FAT3: variants seen among roughly 807,000 people sequenced by gnomAD.
FAT3 encodes the protein protocadherin Fat 3.
Under a neutral mutation model 310.2 loss-of-function variants are expected in FAT3, and 95 were observed. The ratio of observed to expected loss-of-function variants is 0.31; its 90% CI spans 0.26 to 0.36. FAT3 has a LOEUF of 0.36. Ranked by LOEUF, FAT3 falls within the 10% of genes least tolerant of loss-of-function variation. FAT3 has a pLI of 1.00. For synonymous variants in FAT3, 2,314 were observed against 2,192.9 expected (o/e 1.06, Z -1.54); for missense variants, 5,408 against 5,715.6 (o/e 0.95, Z 1.74).
intron 3 of FAT3, among the ~76,000 whole-genome samples, chr11:92,601,722 C>A (rs568728736): frequency 6.6e-6 from 1 of 152,154 alleles, no homozygotes; most frequent in South Asian, 2.1e-4. Flanking sequence ...TAGAATGGAA[C>A]CTATTATATA....
rs569972751 is a variant in FAT3 at position 92,249,514 on chromosome 11, T to C, written c.-18+24340T>C. ...TGCTTTTCTTTCTTTTTCTCTTTAC[T>C]TCATTACATATTGATTGACTTGGGT... On this transcript the variant is annotated intron_variant, in intron 1 of 27. Transcript: ENST00000525166. Among the ~76,000 whole-genome samples the C allele has an allele frequency of 8.5e-5, 13 of 152,226 alleles. No homozygotes were observed. The South Asian group carries it at 2.7e-3, about 32-fold the overall frequency.
intron 2 of FAT3, among the ~76,000 whole-genome samples, chr11:92,384,501 G>A (rs1187164649): frequency 6.6e-6 from 1 of 152,114 alleles, no homozygotes; most frequent in Non-Finnish European, 1.5e-5. Context: ...ACTTCTTTAA[G>A]CAAATTCCTC....
intron 3 of FAT3, among the ~76,000 whole-genome samples, chr11:92,591,471 G>A (rs563512987): frequency 3.6e-4 from 55 of 152,300 alleles, no homozygotes; most frequent in African/African-American, 1.2e-3. Context: ...AATCCAAAGA[G>A]TATATTAGTT....
At chr11:92,435,518 CCTTTCTCTTT>C (rs1400409778) in intron 2 of FAT3, among the ~76,000 whole-genome samples, 41 of 143,232 alleles carry the variant, frequency 2.9e-4, no homozygotes, top group African/African-American at 1.0e-3. Context: ...TTCCTTCCTT[CCTTTCTCTTT>C]CTTTCTTTCC....
At chr11:92,731,968 T>G (rs1443275702) in intron 4 of FAT3, among the ~76,000 whole-genome samples, 1 of 152,228 alleles carries the variant, frequency 6.6e-6, no homozygotes, top group Non-Finnish European at 1.5e-5. Context: ...GAGTTTCATG[T>G]TCAGTTATAG....
At chr11:92,685,537 C>T (rs569006804) in intron 3 of FAT3, among the ~76,000 whole-genome samples, 11 of 151,390 alleles carry the variant, frequency 7.3e-5, no homozygotes, top group South Asian at 6.2e-4. Context: ...TGTGTGCACA[C>T]GCGTACATAC....
intron 1 of FAT3, among the ~76,000 whole-genome samples, chr11:92,240,154 C>T (rs1234138858): frequency 2.0e-5 from 3 of 152,034 alleles, no homozygotes; most frequent in Non-Finnish European, 4.4e-5. Flanking sequence ...AGTGAAACAA[C>T]TAACTGGATA....
chr11:92,735,213 T>C (rs1470455089), intron 4 of FAT3, among the ~76,000 whole-genome samples: 1 of 152,120 alleles, frequency 6.6e-6, no homozygotes, highest in Non-Finnish European at 1.5e-5. Context: ...CTTGACACTT[T>C]GGGAAGTAGC....
chr11:92,771,719 A>C (rs184940387), intron 6 of FAT3, among the ~76,000 whole-genome samples: 3 of 151,978 alleles, frequency 2.0e-5, no homozygotes, highest in Non-Finnish European at 4.4e-5. Flanking sequence ...ACACATACAC[A>C]TACAAATACA....
intron 21 of FAT3, among the ~76,000 whole-genome samples, chr11:92,861,171 G>A (rs914163745): frequency 3.7e-4 from 57 of 152,206 alleles, no homozygotes; most frequent in African/African-American, 1.3e-3. Flanking sequence ...TGCTGGGAAA[G>A]TGTTTGGAGC....
At chr11:92,759,592 C>T (rs1245677409) in intron 4 of FAT3, among the ~76,000 whole-genome samples, 2 of 152,038 alleles carry the variant, frequency 1.3e-5, no homozygotes, top group Non-Finnish European at 2.9e-5. Context: ...CTGAAGGATG[C>T]CCTTATGGCC....
chr11:92,834,194 A>T (rs193018685), intron 14 of FAT3, among the ~76,000 whole-genome samples: 10 of 152,312 alleles, frequency 6.6e-5, no homozygotes, highest in African/African-American at 1.9e-4. Context: ...CTGCTTTCAC[A>T]TGTTCTACTT....
chr11:92,448,228 C>G (rs1381228602), intron 2 of FAT3, among the ~76,000 whole-genome samples: 2 of 152,158 alleles, frequency 1.3e-5, no homozygotes, highest in Non-Finnish European at 2.9e-5. Context: ...GATTCATTAA[C>G]TGTTAGCTGT....
In FAT3 at chr11:92,354,510, A is replaced by T. The variant is rs188857169; in HGVS notation, c.2398A>T (p.Asn800Tyr). Residue 800 changes from asparagine (N) to tyrosine (Y), a missense_variant, in exon 2 of 28, where the codon AAT (asparagine) becomes TAT (tyrosine). By Grantham distance (143) the Asn-to-Tyr change is moderately radical. Transcript: ENST00000525166. ...AGAACACACAGACCTCTATCTCCTTAATATCACCATCTATGACTTAGGTAA... is the reference window on the plus strand; with the variant it reads ...AGAACACACAGACCTCTATCTCCTTTATATCACCATCTATGACTTAGGTAA... Reference protein sequence around the residue: ...DREHTDLYLLNITIYDLGNPQ... With the variant: ...DREHTDLYLLYITIYDLGNPQ... The T allele has an allele frequency of 2.6e-4, 425 of 1,613,860 alleles. No individual in the cohort carries two copies. Among genetic ancestry groups the T allele is most frequent in the Non-Finnish European group, 2.1e-4 (251 of 1,179,854 alleles).
intron 1 of FAT3, among the ~76,000 whole-genome samples, chr11:92,294,504 T>C (rs1057381046): frequency 6.6e-6 from 1 of 151,986 alleles, no homozygotes; most frequent in Non-Finnish European, 1.5e-5. Context: ...GAGATAAGTG[T>C]GGACCTATGT....
chr11:92,490,642 T>A (rs1309718521), intron 2 of FAT3, among the ~76,000 whole-genome samples: 1 of 152,172 alleles, frequency 6.6e-6, no homozygotes, highest in African/African-American at 2.4e-5. Context: ...AGATTTTTTT[T>A]GAATTTCTTT....
At chr11:92,409,798 A>G (rs1950213675) in intron 2 of FAT3, among the ~76,000 whole-genome samples, 2 of 152,158 alleles carry the variant, frequency 1.3e-5, no homozygotes, top group Admixed American at 6.5e-5. Context: ...TGTTGTTCCT[A>G]GAAGTGAACT....
chr11:92,666,839 G>C (rs1456651185), intron 3 of FAT3, among the ~76,000 whole-genome samples: 2 of 152,062 alleles, frequency 1.3e-5, no homozygotes, highest in African/African-American at 4.8e-5. Flanking sequence ...ATGAAGCAAG[G>C]GCATGGGAGC....
chr11:92,412,716 T>TAC (rs757661467), intron 2 of FAT3, among the ~76,000 whole-genome samples: 2 of 23,086 alleles, frequency 8.7e-5, no homozygotes, highest in Non-Finnish European at 2.5e-4. Context: ...TATATATATA[T>TAC]ATATATATAT....
Sources: allele counts gnomAD v4.1 joint callset (sites outside exome capture counted in the v4.1 genomes callset), GRCh38; gene constraint gnomAD v4.1.1; transcripts MANE v1.5; gene names NCBI Gene and HGNC (gene_info 2026-07-23, HGNC 2026-07-21).